The following ADCY9 variants were observed in gnomAD, a reference collection of about 807,000 sequenced individuals.
ADCY9 encodes adenylate cyclase 9.
ADCY9 carries 50 observed loss-of-function variants against 101.5 expected under a neutral mutation model. That is an observed-to-expected ratio of 0.49 (90% CI 0.39 to 0.62). The LOEUF (loss-of-function observed/expected upper bound fraction) is 0.62. ADCY9 is among the 20% of genes least tolerant of loss of function. The probability of loss-of-function intolerance (pLI) is 0.00; values close to 1 mark genes in which losing one functional copy is unlikely to be tolerated. For missense variants in ADCY9, 1,662 were observed against 1,800.4 expected (o/e 0.92, Z 1.39); for synonymous variants, 905 against 769.3 (o/e 1.18, Z -2.92).
intron 10 of ADCY9, among the ~76,000 whole-genome samples, chr16:3,967,564 ATT>A (rs879610481): frequency 6.8e-6 from 1 of 147,282 alleles, no homozygotes; most frequent in Non-Finnish European, 1.5e-5. Flanking sequence ...TAATTAAAAA[ATT>A]TTTTTTTTGA....
intron 2 of ADCY9, among the ~76,000 whole-genome samples, chr16:4,012,706 G>C (rs1310030817): frequency 6.6e-6 from 1 of 152,198 alleles, no homozygotes; most frequent in East Asian, 1.9e-4. Context: ...GGTTAACGCA[G>C]TTAACGTTCT....
chr16:3,983,562 G>C, intron 6 of ADCY9, 122 bp from the exon 7 acceptor site: 2 of 816,598 alleles, frequency 2.4e-6, no homozygotes, highest in Non-Finnish European at 4.0e-6. Flanking sequence ...CACAGGGCAG[G>C]AAGGCTCTCG....
At chr16:4,101,459 T>C (rs2057042849) in intron 2 of ADCY9, among the ~76,000 whole-genome samples, 2 of 152,150 alleles carry the variant, frequency 1.3e-5, no homozygotes, top group African/African-American at 2.4e-5. Context: ...ATTTATTATT[T>C]TTAGAGACAG....
intron 2 of ADCY9, among the ~76,000 whole-genome samples, chr16:4,045,166 A>G (rs1398848480): frequency 1.3e-5 from 2 of 152,146 alleles, no homozygotes; most frequent in Non-Finnish European, 2.9e-5. Context: ...TCCTTTTACT[A>G]TCATTCCCAG....
intron 2 of ADCY9, among the ~76,000 whole-genome samples, chr16:4,015,307 C>T (rs1271940459): frequency 6.6e-6 from 1 of 151,992 alleles, no homozygotes; most frequent in African/African-American, 2.4e-5. Context: ...TTCCAGAATG[C>T]TAACATAGGG....
At chr16:4,030,323 G>A (rs1290621921) in intron 2 of ADCY9, among the ~76,000 whole-genome samples, 1 of 152,094 alleles carries the variant, frequency 6.6e-6, no homozygotes, top group Non-Finnish European at 1.5e-5. Flanking sequence ...CAACAGCAGT[G>A]ACGATGAAGG....
downstream of ADCY9, among the ~76,000 whole-genome samples, chr16:3,957,818 C>T (rs768936764): frequency 4.6e-5 from 7 of 152,142 alleles, no homozygotes; most frequent in African/African-American, 9.7e-5. Context: ...GCGGGCATTT[C>T]GCTCCTCTCT....
Position 3,992,156 on chromosome 16 carries a change from T to C in ADCY9, c.2197A>G (p.Lys733Glu). 6.2e-7 allele frequency: 1 copy of C among 1,614,230 alleles called. No individual in the cohort carries two copies. The highest frequency in any genetic ancestry group is 2.2e-5 in the East Asian group (1 of 44,888). The change falls in exon 5 of 11, where the codon AAA (lysine) becomes GAA (glutamate). Residue 733 changes from lysine (K) to glutamate (E), a missense_variant. Physicochemically the swap from Lys to Glu is moderately conservative, Grantham distance 56. Transcript: ENST00000294016. The surrounding 1 kb of genome is among the most constrained non-coding windows in gnomAD (Gnocchi z 4.2). The part of the protein sequence containing the change: ...KTDAHFVDVI[K>E]EDSLMKDYFF... ...CAGCCCCAGTCGTACCTGTCTTCTT[T>C]GATAACGTCCACAAAGTGGGCGTCC...
Position 3,974,726 on chromosome 16 carries a change from A to G in ADCY9, c.2829-16T>C. 1 of 1,608,170 alleles carries G rather than the reference A, an allele frequency of 6.2e-7. No homozygotes were observed. The highest frequency in any genetic ancestry group is 8.5e-7 in the Non-Finnish European group (1 of 1,174,868). Reference sequence around the variant, plus strand: ...TAATACAGAACTGAAATTAAAATGCAGAAAAATATTATCATAAAGAGCAAA... The same window carrying G: ...TAATACAGAACTGAAATTAAAATGCGGAAAAATATTATCATAAAGAGCAAA... On this transcript the variant is annotated splice_polypyrimidine_tract_variant and intron_variant, in intron 9 of 10. Coordinates refer to ENST00000294016, the MANE Select transcript of ADCY9 (RefSeq NM_001116.4).
intron 3 of ADCY9, among the ~76,000 whole-genome samples, chr16:4,001,241 C>T (rs1447393713): frequency 6.6e-6 from 1 of 152,164 alleles, no homozygotes; most frequent in Non-Finnish European, 1.5e-5. Context: ...GCATTTAGCC[C>T]TCATGCCCCC....
At chr16:3,997,375 G>C (rs1455901186) in intron 3 of ADCY9, among the ~76,000 whole-genome samples, 2 of 152,240 alleles carry the variant, frequency 1.3e-5, no homozygotes, top group African/African-American at 4.8e-5. Context: ...GTGCAGCCCG[G>C]GCATGCCCAC....
intron 5 of ADCY9, among the ~76,000 whole-genome samples, chr16:3,954,202 C>T (rs908691147): frequency 4.6e-5 from 7 of 152,212 alleles, no homozygotes; most frequent in African/African-American, 9.6e-5. Context: ...GGACGGGCGT[C>T]GCTGAGCTGG....
chr16:4,007,440 C>G lies in ADCY9; in HGVS notation c.1812G>C (p.Arg604Ser), dbSNP rs747200497. Residue 604 changes from arginine to serine, a missense_variant, in exon 3 of 11, where the codon AGG becomes AGC. Transcript: ENST00000294016. ...IDGSQVSSGP[R>S]GQGTASSGNV... The stretch of plus-strand genomic sequence containing the variant: ...TCCCTGATGACGCTGTCCCCTGTCC[C>G]CTAGGGCCTGAGGACACCTGTGAGC... 5 of 1,614,044 alleles carry G rather than the reference C, an allele frequency of 3.1e-6. No homozygotes were observed. The South Asian group carries it at 5.5e-5, about 18-fold the overall frequency.
At chr16:4,057,297 T>A (rs2056746419) in intron 2 of ADCY9, among the ~76,000 whole-genome samples, 1 of 152,140 alleles carries the variant, frequency 6.6e-6, no homozygotes, top group Non-Finnish European at 1.5e-5. Context: ...TTTTTTTTAA[T>A]AACAGCTTTA....
chr16:4,096,388 A>G (rs1342644057), intron 2 of ADCY9, among the ~76,000 whole-genome samples: 1 of 152,246 alleles, frequency 6.6e-6, no homozygotes, highest in East Asian at 1.9e-4. Context: ...GAGAGATTAA[A>G]TTATTTGCCC....
Position 4,018,978 on chromosome 16 carries a change from T to C in ADCY9, c.1694-11420A>G, listed in dbSNP as rs553075902. On this transcript the variant is annotated intron_variant, in intron 2 of 10. Coordinates refer to ENST00000294016, the MANE Select transcript of ADCY9 (RefSeq NM_001116.4). ...GTGTGTGTGTGTGTGTGTTTTGTTTTGTTTTGTTTTTTTAAGAGAAAAGGT... is the reference window on the plus strand; with the variant it reads ...GTGTGTGTGTGTGTGTGTTTTGTTTCGTTTTGTTTTTTTAAGAGAAAAGGT... Among the ~76,000 whole-genome samples the C allele has an allele frequency of 9.3e-3, 1,414 of 151,902 alleles. 16 individuals are homozygous for C. The highest frequency in any genetic ancestry group is 0.015 in the Non-Finnish European group (999 of 67,942).
Position 3,977,531 on chromosome 16 carries a change from C to A in ADCY9, c.2779G>T (p.Val927Leu), listed in dbSNP as rs779548082. 2 of 1,596,818 alleles carry A rather than the reference C, an allele frequency of 1.3e-6. No individual in the cohort carries two copies. The highest frequency in any genetic ancestry group is 1.7e-6 in the Non-Finnish European group (2 of 1,172,030). Residue 927 changes from valine (V) to leucine (L), a missense_variant, in exon 9 of 11, where the codon GTG (valine) becomes TTG (leucine). Transcript: ENST00000294016. Reference protein sequence around the residue: ...SWMRSSLATVVGAGPLLLLYV... With the variant: ...SWMRSSLATVLGAGPLLLLYV... Reference sequence around the variant, plus strand: ...AGCAGGAGCAGCGGCCCGGCCCCCACGACGGTGGCGAGGGAGGACCTCATC... The same window carrying A: ...AGCAGGAGCAGCGGCCCGGCCCCCAAGACGGTGGCGAGGGAGGACCTCATC...
chr16:3,982,518 C>G (rs1349260940), intron 7 of ADCY9: 1 of 152,278 alleles, frequency 6.6e-6, no homozygotes, highest in Non-Finnish European at 1.5e-5. Context: ...CCGCTGCGAG[C>G]CCCCTCAGGG....
At position 4,116,407 on chromosome 16, in the gene ADCY9, C is replaced by A. The variant is rs1048734009; in HGVS notation, c.-761G>T. Among the ~76,000 whole-genome samples, 2 of 146,080 alleles carry A rather than the reference C, an allele frequency of 1.4e-5. No homozygotes were observed. The highest frequency in any genetic ancestry group is 3.0e-5 in the Non-Finnish European group (2 of 65,740). ...CCTCATGTCGGAAGAGCTGCCGCCG[C>A]CACCATCTCCGGCCCCTGCCCCGCC... On this transcript the variant is annotated 5_prime_UTR_variant, in exon 1 of 11. Coordinates refer to ENST00000294016, the MANE Select transcript of ADCY9 (RefSeq NM_001116.4).
Sources: allele counts gnomAD v4.1 joint callset (sites outside exome capture counted in the v4.1 genomes callset), GRCh38; gene constraint gnomAD v4.1.1; non-coding constraint Gnocchi (gnomAD v3.1); transcripts MANE v1.5; gene names NCBI Gene and HGNC (gene_info 2026-07-23, HGNC 2026-07-21).